The following IGFBP5 variants were observed in gnomAD, a reference collection of about 807,000 sequenced individuals.
IGFBP5 encodes the protein insulin like growth factor binding protein 5, also known as insulin-like growth factor-binding protein 5.
Under a neutral mutation model 28.0 loss-of-function variants are expected in IGFBP5, and 12 were observed. The observed-to-expected ratio is 0.43, with a 90% CI of 0.27 to 0.69. The LOEUF is 0.69. Among genes scored for constraint, IGFBP5 ranks in the 30% least tolerant of loss-of-function variants. The pLI, the probability that IGFBP5 is intolerant of heterozygous loss-of-function variation, is 0.20. For synonymous variants in IGFBP5, 152 were observed against 150.2 expected, an observed-to-expected ratio of 1.01 and a Z score of -0.09; for missense variants, 344 against 381.6, an observed-to-expected ratio of 0.90 and a Z score of 0.82.
At chr2:216,678,786 T>C in intron 2 of IGFBP5, 64 bp downstream of exon 2, 1 of 1,350,330 alleles carries the variant, frequency 7.4e-7, no homozygotes, top group Non-Finnish European at 1.0e-6. Flanking sequence ...CCGCCATGAA[T>C]GTCCATTTAG....
intron 1 of IGFBP5, among the ~76,000 whole-genome samples, chr2:216,683,679 T>G (rs1490216383): frequency 6.6e-6 from 1 of 152,126 alleles, no homozygotes; most frequent in African/African-American, 2.4e-5. Context: ...TCTGAGAGGT[T>G]TTTGCAGAGG....
rs1300839053 is a variant in IGFBP5 at position 216,679,124 on chromosome 2, G to A, written c.338-45C>T. ...AGGGTCAGCCCCCGTGGGCCAAGGT[G>A]CACACGGCCAGAGCCCAGGGCTGGG... On this transcript the variant is annotated intron_variant, in intron 1 of 3. Transcript: ENST00000233813. The surrounding 1 kb of genome is among the most constrained non-coding windows in gnomAD (Gnocchi z 4.6). 2.6e-6 allele frequency: 4 copies of A among 1,542,258 alleles called. No individual in the cohort carries two copies. The highest frequency in any genetic ancestry group is 2.7e-5 in the African/African-American group (2 of 73,448).
chr2:216,694,858 G>A lies in IGFBP5; in HGVS notation c.-83C>T, dbSNP rs368220621. 9.0e-6 allele frequency: 9 copies of A among 995,058 alleles called. No individual in the cohort carries two copies. The East Asian group carries it at 1.6e-4, about 18-fold the overall frequency. The allele number at this position is 995,058 out of a possible 1,614,324, so 61.6% of individuals were successfully genotyped here. On this transcript the variant is annotated 5_prime_UTR_variant, in exon 1 of 4. Coordinates refer to ENST00000233813, the MANE Select transcript of IGFBP5 (RefSeq NM_000599.4). This position sits in a 1 kb window ranked among gnomAD's most constrained non-coding sequence, Gnocchi z 5.2. ...TAAAGGGGCCAAGAGGGCCCCCGGA[G>A]ATTTTTTTGTTTTTGTTTTTGTTTT...
At chr2:216,677,594 G>A (rs1309612049) in intron 3 of IGFBP5, among the ~76,000 whole-genome samples, 12 of 152,142 alleles carry the variant, frequency 7.9e-5, no homozygotes, top group Admixed American at 7.9e-4. Flanking sequence ...TGCCCTTAAA[G>A]CAGCATCAGG....
chr2:216,694,450 T>C lies in IGFBP5; in HGVS notation c.326A>G (p.Gln109Arg). Residue 109 changes from glutamine to arginine, a missense_variant, in exon 1 of 4, where the codon CAA becomes CGA. Gln to Arg is a conservative substitution (Grantham distance 43). Around this residue, in one of 3 missense-constraint regions of IGFBP5, gnomAD observed 304 missense variants for 329.2 expected, o/e 0.92. Coordinates refer to ENST00000233813, the MANE Select transcript of IGFBP5 (RefSeq NM_000599.4). This position sits in a 1 kb window ranked among gnomAD's most constrained non-coding sequence, Gnocchi z 5.2. ...CTGAGCGCGCTCACCGATCTTGACT[T>C]GCTCGCGGTAGCTCTTTTCGTTGAG... ...VCLNEKSYRE[Q>R]VKIERDSREH... The C allele has an allele frequency of 6.4e-7, 1 of 1,562,694 alleles. No individual in the cohort carries two copies.
chr2:216,677,375 T>C (rs538288252), intron 3 of IGFBP5, among the ~76,000 whole-genome samples: 1 of 152,334 alleles, frequency 6.6e-6, no homozygotes, highest in African/African-American at 2.4e-5. Flanking sequence ...TGTGGTGTTA[T>C]CATGTAGTAG....
At chr2:216,689,739 A>T (rs894144498) in intron 1 of IGFBP5, among the ~76,000 whole-genome samples, 1 of 152,240 alleles carries the variant, frequency 6.6e-6, no homozygotes, top group African/African-American at 2.4e-5. Flanking sequence ...TCCTCATTCT[A>T]AAACTAGGAC....
At chr2:216,688,733 AG>A (rs1340394504) in intron 1 of IGFBP5, among the ~76,000 whole-genome samples, 2 of 152,182 alleles carry the variant, frequency 1.3e-5, no homozygotes, top group Admixed American at 1.3e-4. Context: ...CTGATGGTTT[AG>A]GTTGAGGGAT....
At chr2:216,691,762 T>C (rs2106226084) in intron 1 of IGFBP5, among the ~76,000 whole-genome samples, 1 of 151,044 alleles carries the variant, frequency 6.6e-6, no homozygotes, top group East Asian at 1.9e-4. Flanking sequence ...GTTCTACATG[T>C]TTGGTTACAT....
In IGFBP5 at chr2:216,694,791, C is replaced by T. The variant is rs763336377; in HGVS notation, c.-16G>A. On this transcript the variant is annotated 5_prime_UTR_variant, in exon 1 of 4. Transcript: ENST00000233813. The surrounding 1 kb of genome is among the most constrained non-coding windows in gnomAD (Gnocchi z 5.2). ...GCAACACCATCTTCTCTTAGTCGCC[C>T]CCTTTACCTCGGGGTGGGGCAGGAG... 1.9e-5 allele frequency: 27 copies of T among 1,384,928 alleles called. No homozygotes were observed. Among genetic ancestry groups the T allele is most frequent in the Non-Finnish European group, 2.5e-5 (27 of 1,072,860 alleles). 85.8% of individuals were successfully genotyped at this position (1,384,928 alleles called of 1,614,324 possible). A position where few individuals can be genotyped will look rare whatever the true frequency, so the allele number is the denominator to read the frequency against.
At chr2:216,680,337 C>T (rs896252401) in intron 1 of IGFBP5, among the ~76,000 whole-genome samples, 9 of 152,186 alleles carry the variant, frequency 5.9e-5, no homozygotes, top group African/African-American at 1.9e-4. Flanking sequence ...TGTCCAGGAA[C>T]AGTGACCGCC....
intron 1 of IGFBP5, among the ~76,000 whole-genome samples, chr2:216,690,038 A>C (rs183578067): frequency 6.6e-6 from 1 of 151,958 alleles, no homozygotes; most frequent in East Asian, 1.9e-4. Flanking sequence ...GAAACTGGAA[A>C]TAAAAGGGGG....
At chr2:216,685,270 C>CA (rs112350608) in intron 1 of IGFBP5, among the ~76,000 whole-genome samples, 1,127 of 87,256 alleles carry the variant, frequency 0.013, 9 homozygotes, top group South Asian at 0.047. Context: ...AATAGTGTGA[C>CA]AAAAAAAAAA....
At chr2:216,680,550 G>T (rs1301381360) in intron 1 of IGFBP5, among the ~76,000 whole-genome samples, 1 of 152,232 alleles carries the variant, frequency 6.6e-6, no homozygotes, top group Admixed American at 6.5e-5. Context: ...ACCTGGGCAG[G>T]ATGGCAGGTG....
chr2:216,694,325 C>G lies in IGFBP5; in HGVS notation c.337+114G>C. 1.1e-6 allele frequency: 1 copy of G among 873,842 alleles called. No homozygotes were observed. Among genetic ancestry groups the G allele is most frequent in the Non-Finnish European group, 1.7e-6 (1 of 601,100 alleles). 54.1% of individuals were successfully genotyped at this position (873,842 alleles called of 1,614,324 possible). A position where few individuals can be genotyped will look rare whatever the true frequency, so the allele number is the denominator to read the frequency against. ...GGTGCAAGGACCCTCCCCGACTACT[C>G]CCGAGCTGCACCCCAGCTCGAAGCC... On this transcript the variant is annotated intron_variant, in intron 1 of 3. Coordinates refer to ENST00000233813, the MANE Select transcript of IGFBP5 (RefSeq NM_000599.4). This position sits in a 1 kb window ranked among gnomAD's most constrained non-coding sequence, Gnocchi z 5.2.
rs1365615122 is a variant in IGFBP5 at position 216,673,357 on chromosome 2, G to A, written c.*3394C>T. On this transcript the variant is annotated 3_prime_UTR_variant, in exon 4 of 4. Coordinates refer to ENST00000233813, the MANE Select transcript of IGFBP5 (RefSeq NM_000599.4). This position sits in a 1 kb window ranked among gnomAD's most constrained non-coding sequence, Gnocchi z 4.3. ...GCCTTCCTCCCCTCATGGGGCCAGT[G>A]TCCCCAGGCCTGTCTGTCTAGGCCT... 1 of 152,700 alleles carries A rather than the reference G, an allele frequency of 6.5e-6. No homozygotes were observed. The highest frequency in any genetic ancestry group is 1.5e-5 in the Non-Finnish European group (1 of 68,286). The allele number at this position is 152,700 out of a possible 1,614,324, so 9.5% of individuals were successfully genotyped here. A position where few individuals can be genotyped will look rare whatever the true frequency, so the allele number is the denominator to read the frequency against.
chr2:216,682,217 C>G (rs967133692), intron 1 of IGFBP5, among the ~76,000 whole-genome samples: 1 of 152,154 alleles, frequency 6.6e-6, no homozygotes, highest in African/African-American at 2.4e-5. Context: ...GGACCTATTC[C>G]TTAGGCAGCA....
In IGFBP5 at chr2:216,676,884, TG is replaced by T; in HGVS notation, c.688-3del. On this transcript the variant is annotated splice_polypyrimidine_tract_variant and splice_region_variant and intron_variant, in intron 3 of 3. Coordinates refer to ENST00000233813, the MANE Select transcript of IGFBP5 (RefSeq NM_000599.4). ...TTTGCGGCCACGGGAAGGTTTGCAC[TG>T]GGGTGAGTAGAGCAACAGGCGGTGA... 6.2e-7 allele frequency: 1 copy of T among 1,613,870 alleles called. No homozygotes were observed. Among genetic ancestry groups the T allele is most frequent in the Non-Finnish European group, 8.5e-7 (1 of 1,179,850 alleles).
chr2:216,692,402 T>A lies in IGFBP5; in HGVS notation c.337+2037A>T, dbSNP rs971512106. On this transcript the variant is annotated intron_variant, in intron 1 of 3. Coordinates refer to ENST00000233813, the MANE Select transcript of IGFBP5 (RefSeq NM_000599.4). The surrounding 1 kb of genome is among the most constrained non-coding windows in gnomAD (Gnocchi z 4.2). Reference sequence around the variant, plus strand: ...GTGTGTGTGTGTGTGTGTGTGTGTGTGATGCGCCCTCCGTGCTCGCCTAGC... The same window carrying A: ...GTGTGTGTGTGTGTGTGTGTGTGTGAGATGCGCCCTCCGTGCTCGCCTAGC... Among the ~76,000 whole-genome samples, 5 of 149,222 alleles carry A rather than the reference T, an allele frequency of 3.4e-5. No homozygotes were observed. The highest frequency in any genetic ancestry group is 7.5e-5 in the African/African-American group (3 of 40,214).
Sources: allele counts gnomAD v4.1 joint callset (sites outside exome capture counted in the v4.1 genomes callset), GRCh38; gene constraint gnomAD v4.1.1; regional missense constraint gnomAD v4.1.1; non-coding constraint Gnocchi (gnomAD v3.1); transcripts MANE v1.5; gene names NCBI Gene and HGNC (gene_info 2026-07-23, HGNC 2026-07-21).